The following HAAO variants were observed in gnomAD, a reference collection of about 807,000 sequenced individuals.
HAAO encodes the protein 3-hydroxyanthranilate 3,4-dioxygenase, also known as 3-hydroxyanthranilate oxygenase.
HAAO carries 49 observed loss-of-function variants against 46.2 expected under a neutral mutation model. The observed-to-expected ratio is 1.06, with a 90% confidence interval of 0.84 to 1.34. The LOEUF is 1.34. Ranked by LOEUF, HAAO falls within the 40% of genes most tolerant of loss-of-function variation. The pLI is 0.00. For synonymous variants in HAAO, 157 were observed against 145.2 expected (o/e 1.08, Z -0.58); for missense variants, 408 against 364.5 (o/e 1.12, Z -0.97).
chr2:42,788,889 T>C (rs991608735), intron 1 of HAAO: 2 of 418,160 alleles, frequency 4.8e-6, no homozygotes, highest in Non-Finnish European at 4.4e-6. Context: ...GGTGAATCTA[T>C]GGCTTCATCA....
chr2:42,781,276 C>G (rs1671975988), intron 4 of HAAO, among the ~76,000 whole-genome samples: 1 of 152,186 alleles, frequency 6.6e-6, no homozygotes, highest in African/African-American at 2.4e-5. Context: ...GTTATTTTAT[C>G]AAGGATTTGA....
chr2:42,785,984 C>T (rs1347473947), intron 2 of HAAO, among the ~76,000 whole-genome samples: 1 of 151,256 alleles, frequency 6.6e-6, no homozygotes, highest in Non-Finnish European at 1.5e-5. Flanking sequence ...TCTCCTCCCC[C>T]ACTCTCCAAG....
intron 1 of HAAO, among the ~76,000 whole-genome samples, chr2:42,789,372 C>A (rs544963939): frequency 6.6e-6 from 1 of 152,146 alleles, no homozygotes; most frequent in African/African-American, 2.4e-5. Context: ...CTTGAGGCCA[C>A]TAGCCTGGCC....
intron 6 of HAAO, 75 bp from the exon 7 acceptor site, chr2:42,769,933 G>C: frequency 6.7e-7 from 1 of 1,495,654 alleles, no homozygotes; most frequent in Non-Finnish European, 9.0e-7. Context: ...CAGTTCCCAG[G>C]GGCCCCAGGT....
intron 2 of HAAO, among the ~76,000 whole-genome samples, chr2:42,784,851 C>T (rs1461345156): frequency 1.3e-5 from 2 of 152,110 alleles, no homozygotes; most frequent in African/African-American, 4.8e-5. Flanking sequence ...GCAGTTCACA[C>T]CCCTGGAGGG....
chr2:42,791,036 C>G (rs1672763009), intron 1 of HAAO, among the ~76,000 whole-genome samples: 1 of 152,090 alleles, frequency 6.6e-6, no homozygotes, highest in South Asian at 2.1e-4. Flanking sequence ...AGTAACCCCT[C>G]CTGTAAAATT....
At chr2:42,781,297 G>A (rs1671977858) in intron 4 of HAAO, among the ~76,000 whole-genome samples, 3 of 152,166 alleles carry the variant, frequency 2.0e-5, no homozygotes, top group Non-Finnish European at 2.9e-5. Context: ...CTGGAATGGT[G>A]TGCTTTCCTT....
At chr2:42,775,273 T>C (rs1269453804) in intron 4 of HAAO, among the ~76,000 whole-genome samples, 7 of 143,942 alleles carry the variant, frequency 4.9e-5, no homozygotes, top group Admixed American at 4.2e-4. Context: ...AAAAAAAGGT[T>C]GTCTGGTGGG....
At chr2:42,790,677 G>A (rs955460383) in intron 1 of HAAO, among the ~76,000 whole-genome samples, 8 of 151,946 alleles carry the variant, frequency 5.3e-5, no homozygotes, top group Non-Finnish European at 7.4e-5. Flanking sequence ...GACTACAGGC[G>A]CGTGCCACCA....
chr2:42,780,943 G>T (rs1193463183), intron 4 of HAAO, among the ~76,000 whole-genome samples: 3 of 151,544 alleles, frequency 2.0e-5, no homozygotes, highest in Non-Finnish European at 4.4e-5. Flanking sequence ...TGGGCGTGGT[G>T]GCAGGCGCCT....
At chr2:42,787,739 C>G (rs987915840) in intron 2 of HAAO, among the ~76,000 whole-genome samples, 2 of 152,176 alleles carry the variant, frequency 1.3e-5, no homozygotes, top group African/African-American at 4.8e-5. Context: ...ATCCTGAACC[C>G]CCAGAATGAG....
Sources: allele counts gnomAD v4.1 joint callset (sites outside exome capture counted in the v4.1 genomes callset), GRCh38; gene constraint gnomAD v4.1.1; transcripts MANE v1.5; gene names NCBI Gene and HGNC (gene_info 2026-07-23, HGNC 2026-07-21).